The following DBT variants were observed in gnomAD, a reference collection of about 807,000 sequenced individuals.
DBT encodes the protein dihydrolipoamide branched chain transacylase E2, also known as lipoamide acyltransferase component of branched-chain alpha-keto acid dehydrogenase complex, mitochondrial.
Under a neutral mutation model 51.3 loss-of-function variants are expected in DBT, and 40 were observed. That is an observed-to-expected ratio of 0.78 (90% CI 0.61 to 1.02). The LOEUF is 1.02. Among genes scored for constraint, DBT ranks in the 50% least tolerant of loss-of-function variants. The probability of loss-of-function intolerance (pLI) is 0.00; values close to 1 mark genes in which losing one functional copy is unlikely to be tolerated. For synonymous variants in DBT, 181 were observed against 190.4 expected (o/e 0.95, Z 0.41); for missense variants, 510 against 580.2 (o/e 0.88, Z 1.24).
intron 3 of DBT, among the ~76,000 whole-genome samples, chr1:100,235,216 TA>T (rs1332027368): frequency 6.6e-6 from 1 of 152,160 alleles, no homozygotes; most frequent in African/African-American, 2.4e-5. Flanking sequence ...TAAATCACAC[TA>T]AATAAAGTAC....
chr1:100,227,970 C>T (rs187358672), intron 4 of DBT, among the ~76,000 whole-genome samples: 2 of 152,028 alleles, frequency 1.3e-5, no homozygotes, highest in Non-Finnish European at 1.5e-5. Context: ...CTCAGCCTCC[C>T]GAGTAGGTGA....
chr1:100,191,911 G>C lies in DBT; in HGVS notation c.*4344C>G, dbSNP rs978818000. ...TGATCCTGCCACCTCAGCCTCCTGA[G>C]TAGGTGGCACACAGGTGCATGTCAC... On this transcript the variant is annotated 3_prime_UTR_variant, in exon 11 of 11. Coordinates refer to ENST00000370132, the MANE Select transcript of DBT (RefSeq NM_001918.5). 4 of 151,954 alleles carry C rather than the reference G, an allele frequency of 2.6e-5. No individual in the cohort carries two copies. Among genetic ancestry groups the C allele is most frequent in the African/African-American group, 7.3e-5 (3 of 41,338 alleles). 9.4% of individuals were successfully genotyped at this position (151,954 alleles called of 1,614,324 possible).
intron 7 of DBT, among the ~76,000 whole-genome samples, chr1:100,214,143 G>T (rs887826131): frequency 1.3e-5 from 2 of 152,090 alleles, no homozygotes; most frequent in Admixed American, 1.3e-4. Context: ...CTCAATATAA[G>T]TTGGTTGAGT....
At chr1:100,240,633 G>C in intron 2 of DBT, 128 bp downstream of exon 2, 2 of 766,508 alleles carry the variant, frequency 2.6e-6, no homozygotes, top group Non-Finnish European at 4.6e-6. Context: ...GGGGAGATGG[G>C]AAGGGCCCGG....
At chr1:100,244,238 TA>T (rs1228760904) in intron 1 of DBT, among the ~76,000 whole-genome samples, 1 of 152,030 alleles carries the variant, frequency 6.6e-6, no homozygotes, top group Admixed American at 6.6e-5. Context: ...ACAGCATAAA[TA>T]AACTACAGCA....
intron 10 of DBT, among the ~76,000 whole-genome samples, chr1:100,202,764 G>C (rs1427755277): frequency 1.3e-5 from 2 of 152,062 alleles, no homozygotes; most frequent in African/African-American, 4.8e-5. Flanking sequence ...TAGAACTCAG[G>C]GTTAAGAAAC....
At chr1:100,204,742 G>T (rs550897480) in intron 10 of DBT, among the ~76,000 whole-genome samples, 30 of 152,248 alleles carry the variant, frequency 2.0e-4, no homozygotes, top group Non-Finnish European at 4.0e-4. Flanking sequence ...GCATGGTAAT[G>T]GTACCAAAAC....
In DBT at chr1:100,218,730, C is replaced by T. The variant is rs1282153768; in HGVS notation, c.451G>A (p.Val151Ile). The T allele has an allele frequency of 6.2e-7, 1 of 1,613,706 alleles. No homozygotes were observed. Among genetic ancestry groups the T allele is most frequent in the East Asian group, 2.2e-5 (1 of 44,852 alleles). The change falls in exon 5 of 11, where the codon GTT becomes ATT. Residue 151 changes from valine (V) to isoleucine (I), a missense_variant. Val to Ile is a conservative substitution (Grantham distance 29). Transcript: ENST00000370132. ...TCATGAGACACTGCAGGAGTTTCAA[C>T]AACATCTTCTTCTGAATCTGGTAAC... ...EALKDSEEDVVETPAVSHDEH... is the reference protein window; with the variant it reads ...EALKDSEEDVIETPAVSHDEH...
chr1:100,230,001 T>C (rs1009425700), intron 4 of DBT, among the ~76,000 whole-genome samples: 4 of 152,214 alleles, frequency 2.6e-5, no homozygotes, highest in Non-Finnish European at 4.4e-5. Context: ...CTTCAACTTC[T>C]CTTGAAAAAG....
At chr1:100,248,737 T>C (rs1664707774) in intron 1 of DBT, among the ~76,000 whole-genome samples, 1 of 152,074 alleles carries the variant, frequency 6.6e-6, no homozygotes, top group Non-Finnish European at 1.5e-5. Flanking sequence ...ATGTGTTAAG[T>C]GTTGCTGAGA....
chr1:100,209,153 A>G (rs2100785132), intron 8 of DBT, among the ~76,000 whole-genome samples: 1 of 148,512 alleles, frequency 6.7e-6, no homozygotes, highest in East Asian at 2.0e-4. Context: ...GCTGGAGTGC[A>G]GTGGCATGAT....
In DBT at chr1:100,240,824, A is replaced by G; in HGVS notation, c.112T>C (p.Cys38Arg). The part of the protein sequence containing the change: ...NVHVLKPNYV[C>R]FFGYPSFKYS... ...TTGAATGAAGGATAACCAAAGAAAC[A>G]CACATAATTTGGCTTCAAAACATGA... is the stretch of plus-strand genomic sequence containing the variant. The change falls in exon 2 of 11, where the codon TGT becomes CGT. Residue 38 changes from cysteine to arginine, a missense_variant. Physicochemically the swap from Cys to Arg is radical, Grantham distance 180 (BLOSUM62 -3). Coordinates refer to ENST00000370132, the MANE Select transcript of DBT (RefSeq NM_001918.5). The G allele has an allele frequency of 6.2e-7, 1 of 1,609,606 alleles. No individual in the cohort carries two copies. The highest frequency in any genetic ancestry group is 1.7e-5 in the Admixed American group (1 of 60,028).
intron 10 of DBT, among the ~76,000 whole-genome samples, chr1:100,203,742 G>T (rs1391141200): frequency 4.6e-5 from 7 of 152,132 alleles, no homozygotes; most frequent in African/African-American, 1.7e-4. Context: ...ATATTACAAA[G>T]CTTATCCATC....
At chr1:100,200,017 T>C (rs149891847) in intron 10 of DBT, among the ~76,000 whole-genome samples, 1 of 151,756 alleles carries the variant, frequency 6.6e-6, no homozygotes, top group South Asian at 2.1e-4. Context: ...TTTTTTTTCA[T>C]ACCCCAGTGA....
chr1:100,189,003 C>T lies in DBT; in HGVS notation c.*7252G>A, dbSNP rs916527534. ...TCTGAACTTGCAAACATCAGAGATTCGTGCTATCTTCAGTGTTTAAGTGGT... is the reference window on the plus strand; with the variant it reads ...TCTGAACTTGCAAACATCAGAGATTTGTGCTATCTTCAGTGTTTAAGTGGT... On this transcript the variant is annotated 3_prime_UTR_variant, in exon 11 of 11. Coordinates refer to ENST00000370132, the MANE Select transcript of DBT (RefSeq NM_001918.5). 6 of 152,138 alleles carry T rather than the reference C, an allele frequency of 3.9e-5. No homozygotes were observed. The highest frequency in any genetic ancestry group is 1.2e-4 in the African/African-American group (5 of 41,416). 9.4% of individuals were successfully genotyped at this position (152,138 alleles called of 1,614,324 possible).
intron 4 of DBT, among the ~76,000 whole-genome samples, chr1:100,224,249 T>C (rs1663033701): frequency 6.6e-6 from 1 of 152,244 alleles, no homozygotes; most frequent in Admixed American, 6.5e-5. Flanking sequence ...TGTGTTCGTC[T>C]TTTATATAAT....
intron 1 of DBT, among the ~76,000 whole-genome samples, chr1:100,248,536 T>G (rs1185870690): frequency 1.3e-5 from 2 of 152,102 alleles, no homozygotes; most frequent in Non-Finnish European, 2.9e-5. Flanking sequence ...AAAGAGTGGA[T>G]GGGATAACCC....
intron 4 of DBT, among the ~76,000 whole-genome samples, chr1:100,226,283 CTTTTTTTTT>C (rs71084810): frequency 2.3e-5 from 2 of 86,658 alleles, no homozygotes; most frequent in Admixed American, 2.6e-4. Flanking sequence ...TAAATTATGC[CTTTTTTTTT>C]TTTTTTTTTT....
At chr1:100,227,661 G>A (rs774705238) in intron 4 of DBT, among the ~76,000 whole-genome samples, 14 of 152,150 alleles carry the variant, frequency 9.2e-5, no homozygotes, top group Non-Finnish European at 1.5e-4. Flanking sequence ...AGGGGTAAGG[G>A]TATCATTATC....
Sources: gnomAD v4.1 joint callset for allele counts (sites outside exome capture counted in the v4.1 genomes callset) on GRCh38, gnomAD v4.1.1 for gene constraint, MANE v1.5 for transcripts, NCBI Gene and HGNC (gene_info 2026-07-23, HGNC 2026-07-21) for gene names.